KLHL29: variants seen among roughly 807,000 people sequenced by gnomAD.
The protein encoded by KLHL29 is kelch like family member 29.
In KLHL29, 21 loss-of-function variants were observed where a neutral mutation model predicts 80.4. The ratio of observed to expected loss-of-function variants is 0.26; its 90% CI spans 0.19 to 0.38. The LOEUF is 0.38. Among genes scored for constraint, KLHL29 ranks in the 10% least tolerant of loss-of-function variants. The pLI is 1.00. For synonymous variants in KLHL29, 511 were observed against 526.8 expected, an observed-to-expected ratio of 0.97 and a Z score of 0.41; for missense variants, 867 against 1,223.9, an observed-to-expected ratio of 0.71 and a Z score of 4.35.
intron 1 of KLHL29, among the ~76,000 whole-genome samples, chr2:23,466,245 C>A: frequency 6.6e-6 from 1 of 152,046 alleles, no homozygotes; most frequent in East Asian, 1.9e-4. Flanking sequence ...CATGCAGGCT[C>A]GTGACAGAGA....
intron 1 of KLHL29, among the ~76,000 whole-genome samples, chr2:23,471,003 G>T (rs955179476): frequency 6.6e-6 from 1 of 152,332 alleles, no homozygotes; most frequent in East Asian, 1.9e-4. Context: ...CGTTCCCCTT[G>T]CAGGACACAC....
Position 23,696,475 on chromosome 2 carries a change from G to A in KLHL29, c.2067G>A (p.Gly689=). 1.3e-6 allele frequency: 2 copies of A among 1,545,560 alleles called. No homozygotes were observed. The highest frequency in any genetic ancestry group is 1.4e-5 in the African/African-American group (1 of 73,058). The change falls in exon 11 of 14, where the codon GGG becomes GGA. Residue 689 remains glycine, a synonymous_variant. Transcript: ENST00000486442. This position sits in a 1 kb window ranked among gnomAD's most constrained non-coding sequence, Gnocchi z 5.5. ...ACGATGGGAAGATTTACACCCTCGG[G>A]GGACTTGGCGTGGCAGGCAACGTGG... The part of the protein sequence containing the change: ...LVYDGKIYTL[G]GLGVAGNVDH...
intron 2 of KLHL29, among the ~76,000 whole-genome samples, chr2:23,481,060 T>C (rs1284982202): frequency 3.3e-5 from 5 of 152,334 alleles, no homozygotes; most frequent in African/African-American, 1.2e-4. Flanking sequence ...CTCTCAACTC[T>C]GGCTGCCTAT....
intron 2 of KLHL29, among the ~76,000 whole-genome samples, chr2:23,557,570 T>C (rs1375421271): frequency 1.3e-5 from 2 of 152,020 alleles, no homozygotes; most frequent in Non-Finnish European, 2.9e-5. Context: ...TGCTGGGGCC[T>C]GGGCTTTGCT....
At chr2:23,491,947 C>T (rs757356057) in intron 2 of KLHL29, among the ~76,000 whole-genome samples, 2 of 152,182 alleles carry the variant, frequency 1.3e-5, no homozygotes, top group South Asian at 2.1e-4. Context: ...CCCTCCCACT[C>T]GTCCTTCCCC....
chr2:23,581,631 G>T (rs1667984474), intron 3 of KLHL29, among the ~76,000 whole-genome samples: 1 of 151,992 alleles, frequency 6.6e-6, no homozygotes, highest in Non-Finnish European at 1.5e-5. Context: ...TTCAAGACCA[G>T]CCTGGCCAAC....
intron 3 of KLHL29, among the ~76,000 whole-genome samples, chr2:23,576,328 A>G (rs1448367076): frequency 6.7e-6 from 1 of 150,222 alleles, no homozygotes; most frequent in Non-Finnish European, 1.5e-5. Context: ...AAAAAAACGA[A>G]ATATGCTGAG....
intron 3 of KLHL29, among the ~76,000 whole-genome samples, chr2:23,603,802 C>T (rs546255547): frequency 8.5e-5 from 13 of 152,300 alleles, no homozygotes; most frequent in African/African-American, 2.6e-4. Context: ...GCTGCATTCA[C>T]GGTCCAGCGG....
intron 2 of KLHL29, among the ~76,000 whole-genome samples, chr2:23,555,797 C>T (rs1371029495): frequency 1.3e-5 from 2 of 152,154 alleles, no homozygotes; most frequent in Non-Finnish European, 2.9e-5. Context: ...TTGGGCACAC[C>T]CCAGCGCTGG....
intron 3 of KLHL29, among the ~76,000 whole-genome samples, chr2:23,579,377 C>G (rs1334496746): frequency 6.6e-6 from 1 of 152,174 alleles, no homozygotes; most frequent in African/African-American, 2.4e-5. Context: ...AGGTATCTGC[C>G]AGAACCTCAG....
intron 1 of KLHL29, among the ~76,000 whole-genome samples, chr2:23,426,333 T>C (rs1663003610): frequency 6.6e-6 from 1 of 152,232 alleles, no homozygotes; most frequent in Non-Finnish European, 1.5e-5. Context: ...CTATTATTTA[T>C]GGAATCATTG....
chr2:23,521,190 G>A (rs1016066633), intron 2 of KLHL29, among the ~76,000 whole-genome samples: 8 of 152,240 alleles, frequency 5.3e-5, no homozygotes, highest in South Asian at 2.1e-4. Context: ...GGACTGCTTC[G>A]AGGGGCTTCC....
intron 2 of KLHL29, among the ~76,000 whole-genome samples, chr2:23,517,776 C>G (rs1201341627): frequency 6.6e-6 from 1 of 152,190 alleles, no homozygotes; most frequent in Non-Finnish European, 1.5e-5. Context: ...CTCAGCAGCT[C>G]CCTGTGGTAG....
Position 23,708,591 on chromosome 2 carries a change from T to C in KLHL29, c.*1927T>C, listed in dbSNP as rs927538908. 3 of 152,200 alleles carry C rather than the reference T, an allele frequency of 2.0e-5. No individual in the cohort carries two copies. Among genetic ancestry groups the C allele is most frequent in the Non-Finnish European group, 4.4e-5 (3 of 68,048 alleles). The allele number at this position is 152,200 out of a possible 1,614,324, so 9.4% of individuals were successfully genotyped here. Reference sequence around the variant, plus strand: ...AGTTCTTGTTATATTATAATAAATATATTTATAGATCTAGACTTGGAAGCC... The same window carrying C: ...AGTTCTTGTTATATTATAATAAATACATTTATAGATCTAGACTTGGAAGCC... On this transcript the variant is annotated 3_prime_UTR_variant, in exon 14 of 14. Transcript: ENST00000486442.
chr2:23,691,592 G>A, intron 6 of KLHL29, 82 bp from the exon 7 acceptor site: 2 of 1,192,078 alleles, frequency 1.7e-6, no homozygotes, highest in African/African-American at 1.5e-5. Flanking sequence ...TGACCAAGGT[G>A]TGCAGGGAGA....
chr2:23,648,013 T>C (rs1669985337), intron 5 of KLHL29, among the ~76,000 whole-genome samples: 1 of 152,118 alleles, frequency 6.6e-6, no homozygotes, highest in Non-Finnish European at 1.5e-5. Flanking sequence ...GTTCTGTGAC[T>C]TCCCCTTCCC....
chr2:23,679,443 G>A (rs1456354493), intron 5 of KLHL29, among the ~76,000 whole-genome samples: 1 of 152,212 alleles, frequency 6.6e-6, no homozygotes, highest in East Asian at 1.9e-4. Flanking sequence ...GTGAGTGAAA[G>A]TGAGCAAAGC....
chr2:23,569,301 C>G (rs1237665136), intron 3 of KLHL29, among the ~76,000 whole-genome samples: 1 of 152,230 alleles, frequency 6.6e-6, no homozygotes, highest in African/African-American at 2.4e-5. Context: ...TTACATGATG[C>G]AGTATTCGGT....
chr2:23,512,193 C>A (rs1665792467), intron 2 of KLHL29, among the ~76,000 whole-genome samples: 1 of 152,144 alleles, frequency 6.6e-6, no homozygotes, highest in African/African-American at 2.4e-5. Context: ...CACCTGTAAT[C>A]CCAGCACTTT....
Sources: gnomAD v4.1 joint callset for allele counts (sites outside exome capture counted in the v4.1 genomes callset) on GRCh38, gnomAD v4.1.1 for gene constraint, Gnocchi (gnomAD v3.1) non-coding constraint, MANE v1.5 for transcripts, NCBI Gene and HGNC (gene_info 2026-07-23, HGNC 2026-07-21) for gene names.